PRELID2: variants seen among roughly 807,000 people sequenced by gnomAD.
PRELID2 encodes the protein PRELI domain containing 2, also known as PRELI domain-containing protein 2.
PRELID2 carries 25 observed loss-of-function variants against 28.4 expected under a neutral mutation model. That is an observed-to-expected ratio of 0.88 (90% CI 0.64 to 1.23). The LOEUF is 1.23. Ranked by LOEUF, PRELID2 falls within the 50% of genes most tolerant of loss-of-function variation. The pLI, the probability that PRELID2 is intolerant of heterozygous loss-of-function variation, is 0.00. For missense variants in PRELID2, 201 were observed against 214.4 expected, an observed-to-expected ratio of 0.94 and a Z score of 0.39; for synonymous variants, 76 against 71.6, an observed-to-expected ratio of 1.06 and a Z score of -0.31.
At chr5:145,291,200 T>TG in the PRELID2 span, among the ~76,000 whole-genome samples, 60,240 of 150,828 alleles carry the variant, frequency 0.4, 13,018 homozygotes, top group African/African-American at 0.57. Flanking sequence ...TTGCCAGGCC[T>TG]GTGTCAGGTG....
chr5:145,368,054 G>C, the PRELID2 span, among the ~76,000 whole-genome samples: 1 of 151,804 alleles, frequency 6.6e-6, no homozygotes, highest in Non-Finnish European at 1.5e-5. Context: ...TCTGTCATTC[G>C]GGGTTGTCGA....
At chr5:145,355,257 C>T in the PRELID2 span, among the ~76,000 whole-genome samples, 5 of 152,028 alleles carry the variant, frequency 3.3e-5, no homozygotes, top group Non-Finnish European at 7.4e-5. Flanking sequence ...ATAGAATTAA[C>T]TGCAACATAA....
At chr5:145,247,322 C>T in the PRELID2 span, among the ~76,000 whole-genome samples, 2 of 151,998 alleles carry the variant, frequency 1.3e-5, no homozygotes, top group South Asian at 4.1e-4. Context: ...AATAAAACTC[C>T]GGTCTCCCAC....
intron 1 of PRELID2, among the ~76,000 whole-genome samples, chr5:145,552,309 C>T (rs142274575): frequency 1.3e-5 from 2 of 152,228 alleles, no homozygotes; most frequent in African/African-American, 2.4e-5. Flanking sequence ...GTTAAAATGT[C>T]CACCTTCTCC....
At chr5:145,799,526 T>C (rs1025829056) in intron 4 of PRELID2, among the ~76,000 whole-genome samples, 1 of 151,950 alleles carries the variant, frequency 6.6e-6, no homozygotes, top group African/African-American at 2.4e-5. Flanking sequence ...TGGGAGTGTG[T>C]CAGCAATTGG....
At chr5:145,301,907 A>T in the PRELID2 span, among the ~76,000 whole-genome samples, 1 of 150,218 alleles carries the variant, frequency 6.7e-6, no homozygotes, top group Non-Finnish European at 1.5e-5. Flanking sequence ...CAGGTAACCT[A>T]AGTCATCCAA....
the PRELID2 span, among the ~76,000 whole-genome samples, chr5:145,342,250 G>T: frequency 2.0e-5 from 3 of 151,996 alleles, no homozygotes; most frequent in Admixed American, 1.3e-4. Context: ...ACAAAAAAAG[G>T]TTCAAAAGAG....
chr5:145,713,690 CTATATA>C (rs1219424011), intron 1 of PRELID2, among the ~76,000 whole-genome samples: 1 of 112,788 alleles, frequency 8.9e-6, no homozygotes, highest in Non-Finnish European at 1.8e-5. Flanking sequence ...TATACACACA[CTATATA>C]TATATAAAGT....
intron 1 of PRELID2, among the ~76,000 whole-genome samples, chr5:145,656,362 G>A (rs974146629): frequency 2.6e-5 from 4 of 152,112 alleles, no homozygotes; most frequent in Non-Finnish European, 5.9e-5. Context: ...CAATGATCTA[G>A]AACTAGAAAT....
chr5:145,640,732 A>G (rs968192551), intron 1 of PRELID2, among the ~76,000 whole-genome samples: 38 of 152,284 alleles, frequency 2.5e-4, no homozygotes, highest in Non-Finnish European at 4.7e-4. Flanking sequence ...GCTTTGAAGT[A>G]CAAGTTGGAG....
At chr5:145,627,537 T>C (rs954963303) in intron 1 of PRELID2, among the ~76,000 whole-genome samples, 1 of 152,176 alleles carries the variant, frequency 6.6e-6, no homozygotes, top group Non-Finnish European at 1.5e-5. Context: ...CTCTCACAAC[T>C]GCCAACCCTA....
chr5:145,462,457 G>A, the PRELID2 span, among the ~76,000 whole-genome samples: 1 of 152,208 alleles, frequency 6.6e-6, no homozygotes, highest in Non-Finnish European at 1.5e-5. Context: ...AAATCAAGCA[G>A]TACAAGTCCT....
chr5:145,625,569 C>A (rs988448754), intron 1 of PRELID2, among the ~76,000 whole-genome samples: 4 of 152,052 alleles, frequency 2.6e-5, no homozygotes, highest in Non-Finnish European at 1.5e-5. Flanking sequence ...AATCCAACAT[C>A]TTTTGTTTCT....
intron 1 of PRELID2, among the ~76,000 whole-genome samples, chr5:145,566,415 C>G (rs1288290587): frequency 1.3e-5 from 2 of 151,828 alleles, no homozygotes; most frequent in Non-Finnish European, 2.9e-5. Flanking sequence ...TTTTGCCATT[C>G]CATTTATATA....
chr5:145,358,996 C>T, the PRELID2 span, among the ~76,000 whole-genome samples: 17 of 152,274 alleles, frequency 1.1e-4, no homozygotes, highest in African/African-American at 4.1e-4. Flanking sequence ...GGCACCTGCC[C>T]ATCAAAAAGG....
intron 4 of PRELID2, among the ~76,000 whole-genome samples, chr5:145,805,558 A>G (rs184674283): frequency 6.6e-6 from 1 of 151,996 alleles, no homozygotes; most frequent in Admixed American, 6.6e-5. Context: ...TACATTTTTA[A>G]CTCCGCCCCT....
chr5:145,712,064 C>CTAAA (rs1443221086), intron 1 of PRELID2, among the ~76,000 whole-genome samples: 1 of 152,202 alleles, frequency 6.6e-6, no homozygotes, highest in African/African-American at 2.4e-5. Flanking sequence ...CAGTGGTGAA[C>CTAAA]TAAATCTAAC....
the PRELID2 span, among the ~76,000 whole-genome samples, chr5:145,444,225 T>C: frequency 6.6e-6 from 1 of 152,076 alleles, no homozygotes; most frequent in African/African-American, 2.4e-5. Flanking sequence ...CATGTAATTA[T>C]TCTGCCCAAG....
chr5:145,405,702 G>GTTTTT, the PRELID2 span, among the ~76,000 whole-genome samples: 3 of 54,622 alleles, frequency 5.5e-5, no homozygotes, highest in African/African-American at 1.4e-4. Context: ...CCACATAGTT[G>GTTTTT]TTTTTTTTTT....
Sources: gnomAD v4.1 joint callset for allele counts (sites outside exome capture counted in the v4.1 genomes callset) on GRCh38, gnomAD v4.1.1 for gene constraint, MANE v1.5 for transcripts, NCBI Gene and HGNC (gene_info 2026-07-23, HGNC 2026-07-21) for gene names.